NUP205: variants seen among roughly 807,000 people sequenced by gnomAD.
The protein encoded by NUP205 is nuclear pore complex protein Nup205.
Under a neutral mutation model 253.8 loss-of-function variants are expected in NUP205, and 76 were observed. The ratio of observed to expected loss-of-function variants is 0.30; its 90% CI spans 0.25 to 0.36. The LOEUF (loss-of-function observed/expected upper bound fraction) is 0.36. Among genes scored for constraint, NUP205 ranks in the 10% least tolerant of loss-of-function variants. NUP205 has a pLI of 1.00. For missense variants in NUP205, 2,162 were observed against 2,425.5 expected (o/e 0.89, Z 2.28); for synonymous variants, 832 against 850.1 (o/e 0.98, Z 0.37).
chr7:135,592,807 A>C (rs1806663439), intron 11 of NUP205, among the ~76,000 whole-genome samples, 180 bp from the exon 12 acceptor site: 1 of 152,132 alleles, frequency 6.6e-6, no homozygotes, highest in Non-Finnish European at 1.5e-5. Flanking sequence ...GAATTGCTTG[A>C]ACCTGGGGAG....
chr7:135,578,792 A>G lies in NUP205; in HGVS notation c.919A>G (p.Ile307Val), dbSNP rs747060751. ...TCCACTGTTGACAGAAAAACAGTACATTGCAACAATTCACTCTCGTCTTCA... is the reference window on the plus strand; with the variant it reads ...TCCACTGTTGACAGAAAAACAGTACGTTGCAACAATTCACTCTCGTCTTCA... ...QLPLLTEKQY[I>V]ATIHSRLQDS... Residue 307 changes from isoleucine to valine, a missense_variant, in exon 7 of 43, where the codon ATT (isoleucine) becomes GTT (valine). By Grantham distance (29) the Ile-to-Val change is conservative. Transcript: ENST00000285968. 51 of 1,609,786 alleles carry G rather than the reference A, an allele frequency of 3.2e-5. No homozygotes were observed. The highest frequency in any genetic ancestry group is 4.2e-5 in the Non-Finnish European group (49 of 1,178,600).
At chr7:135,570,811 T>A (rs1431743395) in intron 1 of NUP205, among the ~76,000 whole-genome samples, 3 of 103,622 alleles carry the variant, frequency 2.9e-5, no homozygotes, top group Admixed American at 2.7e-4. Context: ...TAATATATAT[T>A]AATTATATTA....
chr7:135,623,318 A>G (rs1461364216), intron 31 of NUP205, among the ~76,000 whole-genome samples: 1 of 151,586 alleles, frequency 6.6e-6, no homozygotes, highest in Non-Finnish European at 1.5e-5. Flanking sequence ...TCAACTTTTA[A>G]TAATGTATGG....
At chr7:135,607,449 G>T (rs1200052653) in intron 22 of NUP205, 78 bp downstream of exon 22, 1 of 1,465,928 alleles carries the variant, frequency 6.8e-7, no homozygotes. Context: ...AGATATGACA[G>T]TATAACAGCA....
intron 12 of NUP205, among the ~76,000 whole-genome samples, chr7:135,594,088 A>T (rs570906074): frequency 6.6e-6 from 1 of 152,180 alleles, no homozygotes; most frequent in African/African-American, 2.4e-5. Flanking sequence ...CCCTATAAAT[A>T]TGTATAGTTA....
In NUP205 at chr7:135,604,970, C is replaced by T. The variant is rs58471481; in HGVS notation, c.2823+510C>T. ...TCTGTTCACTGAATACCTACAATTG[C>T]GGAATCTGCTTTTTTTTTTCTTTAT... is the stretch of plus-strand genomic sequence containing the variant. On this transcript the variant is annotated intron_variant, in intron 19 of 42. Coordinates refer to ENST00000285968, the MANE Select transcript of NUP205 (RefSeq NM_015135.3). Among the ~76,000 whole-genome samples, 185 of 151,986 alleles carry T rather than the reference C, an allele frequency of 1.2e-3. 2 individuals carry two copies. The highest frequency in any genetic ancestry group is 4.3e-3 in the African/African-American group (180 of 41,466).
chr7:135,587,177 G>A (rs900916935), intron 8 of NUP205, among the ~76,000 whole-genome samples: 4 of 152,044 alleles, frequency 2.6e-5, no homozygotes, highest in Non-Finnish European at 5.9e-5. Context: ...TGGGAAATGA[G>A]TGGGGCCAGT....
chr7:135,645,833 G>T, intron 41 of NUP205: 1 of 575,456 alleles, frequency 1.7e-6, no homozygotes, highest in South Asian at 2.3e-5. Flanking sequence ...GCTTCTTGCT[G>T]CAGTTAGGGG....
chr7:135,580,955 A>G (rs1438324412), intron 7 of NUP205, among the ~76,000 whole-genome samples: 1 of 152,168 alleles, frequency 6.6e-6, no homozygotes, highest in Non-Finnish European at 1.5e-5. Flanking sequence ...CCTAGTTTCA[A>G]GTCCCAGATC....
rs28666070 is a variant in NUP205 at position 135,588,192 on chromosome 7, G to A, written c.1473+200G>A. Among the ~76,000 whole-genome samples the A allele has an allele frequency of 0.4, 60,555 of 150,144 alleles. 13,558 individuals are homozygous for A. The highest frequency in any genetic ancestry group is 0.63 in the Middle Eastern group (173 of 276). Reference sequence around the variant, plus strand: ...GTCTCACTCTGTCACCTAGGCTGGAGTGCAGTGACGCGATCTCAGCTCACT... The same window carrying A: ...GTCTCACTCTGTCACCTAGGCTGGAATGCAGTGACGCGATCTCAGCTCACT... On this transcript the variant is annotated intron_variant, in intron 10 of 42. Transcript: ENST00000285968.
Position 135,598,328 on chromosome 7 carries a change from T to C in NUP205, c.2274+121T>C. On this transcript the variant is annotated intron_variant, in intron 15 of 42. Coordinates refer to ENST00000285968, the MANE Select transcript of NUP205 (RefSeq NM_015135.3). The stretch of plus-strand genomic sequence containing the variant: ...GGTAGTAAAATTCACAGTCTTTGTT[T>C]TGAAATATCTATGAAGTGGTCTGAT... The C allele has an allele frequency of 3.3e-6, 3 of 895,620 alleles. No individual in the cohort carries two copies. The South Asian group carries it at 5.0e-5, about 15-fold the overall frequency. 55.5% of individuals were successfully genotyped at this position (895,620 alleles called of 1,614,324 possible).
chr7:135,578,053 TA>T (rs201238624), intron 6 of NUP205, 29 bp downstream of exon 6: 1 of 1,496,712 alleles, frequency 6.7e-7, no homozygotes, highest in African/African-American at 1.4e-5. Flanking sequence ...TTTCCTACAT[TA>T]AAAAAATCAG....
Position 135,648,395 on chromosome 7 carries a change from C to G in NUP205, c.5887-9C>G, listed in dbSNP as rs781608524. 5 of 1,545,536 alleles carry G rather than the reference C, an allele frequency of 3.2e-6. No homozygotes were observed. The highest frequency in any genetic ancestry group is 4.3e-6 in the Non-Finnish European group (5 of 1,152,408). On this transcript the variant is annotated splice_polypyrimidine_tract_variant and intron_variant, in intron 42 of 42. Coordinates refer to ENST00000285968, the MANE Select transcript of NUP205 (RefSeq NM_015135.3). ...AATTTTAACAAAATGTCTTTTGTGTCACCGCTAGCTTCAGGCTGATGCAAT... is the reference window on the plus strand; with the variant it reads ...AATTTTAACAAAATGTCTTTTGTGTGACCGCTAGCTTCAGGCTGATGCAAT...
At chr7:135,587,534 A>G (rs1244364669) in intron 8 of NUP205, 41 bp from the exon 9 acceptor site, 1 of 1,187,658 alleles carries the variant, frequency 8.4e-7, no homozygotes, top group East Asian at 2.6e-5. Context: ...AGCATGTACA[A>G]TACATTTACA....
Position 135,573,743 on chromosome 7 carries a change from T to C in NUP205, c.261T>C (p.Pro87=). 2.5e-6 allele frequency: 4 copies of C among 1,613,962 alleles called. No individual in the cohort carries two copies. Among genetic ancestry groups the C allele is most frequent in the Non-Finnish European group, 3.4e-6 (4 of 1,179,830 alleles). The stretch of plus-strand genomic sequence containing the variant: ...GTCAACAGGGAACTCGACTTCTTCC[T>C]GAACAGCTCATTAAAGAAGCCTTTA... ...IQGQQGTRLL[P]EQLIKEAFIL... is the part of the protein sequence containing the mutation. Residue 87 remains proline, a synonymous_variant, in exon 3 of 43, where the codon CCT becomes CCC. Coordinates refer to ENST00000285968, the MANE Select transcript of NUP205 (RefSeq NM_015135.3).
At position 135,628,870 on chromosome 7, in the gene NUP205, A is replaced by G. The variant is rs1484908021; in HGVS notation, c.4932+759A>G. On this transcript the variant is annotated intron_variant, in intron 34 of 42. Transcript: ENST00000285968. ...CTAAAGTGGCACCTTATTTTATATCATAGCAATCTGGGTTGACGTCCTACT... is the reference window on the plus strand; with the variant it reads ...CTAAAGTGGCACCTTATTTTATATCGTAGCAATCTGGGTTGACGTCCTACT... Among the ~76,000 whole-genome samples, 6 of 152,208 alleles carry G rather than the reference A, an allele frequency of 3.9e-5. No homozygotes were observed. In the South Asian group the frequency reaches 1.2e-3, roughly 31 times the overall value.
At chr7:135,642,376 G>A (rs969929361) in intron 38 of NUP205, among the ~76,000 whole-genome samples, 1 of 151,774 alleles carries the variant, frequency 6.6e-6, no homozygotes, top group South Asian at 2.1e-4. Flanking sequence ...TTTTCTGTAG[G>A]GACGGGGTCT....
intron 41 of NUP205, 50 bp downstream of exon 41, chr7:135,645,646 T>G: frequency 6.4e-7 from 1 of 1,568,916 alleles, no homozygotes; most frequent in Non-Finnish European, 8.6e-7. Flanking sequence ...ATTTGTGCCT[T>G]GAAAAGCTAG....
intron 38 of NUP205, among the ~76,000 whole-genome samples, chr7:135,639,558 G>A (rs79456804): frequency 0.034 from 5,169 of 151,952 alleles, 116 homozygotes; most frequent in Middle Eastern, 0.1. Flanking sequence ...GGGTGCAGTG[G>A]CGCGCGCCTG....
Sources: gnomAD v4.1 joint callset for allele counts (sites outside exome capture counted in the v4.1 genomes callset) on GRCh38, gnomAD v4.1.1 for gene constraint, MANE v1.5 for transcripts, NCBI Gene and HGNC (gene_info 2026-07-23, HGNC 2026-07-21) for gene names.